The following GRID2 variants were observed in gnomAD, a reference collection of about 807,000 sequenced individuals.
The protein encoded by GRID2 is glutamate receptor ionotropic, delta-2.
GRID2 carries 33 observed loss-of-function variants against 114.8 expected under a neutral mutation model. The ratio of observed to expected loss-of-function variants is 0.29; its 90% confidence interval spans 0.22 to 0.38. GRID2 has a LOEUF of 0.38. Among genes scored for constraint, GRID2 ranks in the 10% least tolerant of loss-of-function variants. The pLI is 1.00. For synonymous variants in GRID2, 505 were observed against 449.9 expected (o/e 1.12, Z -1.55); for missense variants, 1,184 against 1,257.7 (o/e 0.94, Z 0.89).
At chr4:93,525,829 G>T (rs751065338) in intron 13 of GRID2, among the ~76,000 whole-genome samples, 32 of 152,046 alleles carry the variant, frequency 2.1e-4, no homozygotes, top group Non-Finnish European at 4.0e-4. Flanking sequence ...TTCTCCAAAG[G>T]ATTTTCCAGC....
chr4:92,504,839 T>C (rs1404920931), intron 1 of GRID2, among the ~76,000 whole-genome samples: 3 of 152,028 alleles, frequency 2.0e-5, no homozygotes, highest in African/African-American at 4.8e-5. Context: ...ACATTTCATT[T>C]TGGGATATCA....
chr4:93,135,412 A>C (rs1033600830), intron 4 of GRID2, among the ~76,000 whole-genome samples: 1 of 152,220 alleles, frequency 6.6e-6, no homozygotes, highest in Non-Finnish European at 1.5e-5. Flanking sequence ...GCCAAGATTA[A>C]GAAATGATTG....
intron 2 of GRID2, among the ~76,000 whole-genome samples, chr4:92,951,734 C>T (rs1285085067): frequency 2.0e-5 from 3 of 152,110 alleles, no homozygotes; most frequent in Non-Finnish European, 4.4e-5. Flanking sequence ...CCCAAACACC[C>T]AATTCCTCTT....
At chr4:93,267,512 C>T (rs1750986750) in intron 8 of GRID2, among the ~76,000 whole-genome samples, 2 of 152,218 alleles carry the variant, frequency 1.3e-5, no homozygotes, top group African/African-American at 4.8e-5. Context: ...CACTGTCATA[C>T]TGCCAACCTG....
At chr4:93,434,480 C>G (rs1720873520) in intron 10 of GRID2, among the ~76,000 whole-genome samples, 2 of 151,918 alleles carry the variant, frequency 1.3e-5, no homozygotes, top group Admixed American at 6.6e-5. Flanking sequence ...TAAAAAAGAC[C>G]AAAGCCAACA....
chr4:92,522,510 A>G (rs1011381390), intron 1 of GRID2, among the ~76,000 whole-genome samples: 1 of 152,012 alleles, frequency 6.6e-6, no homozygotes, highest in Non-Finnish European at 1.5e-5. Context: ...AGATGTGACT[A>G]AATTTCACAA....
intron 2 of GRID2, among the ~76,000 whole-genome samples, chr4:92,782,039 A>T (rs556416343): frequency 1.3e-5 from 2 of 152,184 alleles, no homozygotes; most frequent in East Asian, 3.9e-4. Context: ...GAGGCTTCAT[A>T]AGAGTTTTCT....
intron 1 of GRID2, among the ~76,000 whole-genome samples, chr4:92,377,941 C>T (rs925566748): frequency 3.3e-5 from 5 of 151,920 alleles, no homozygotes; most frequent in South Asian, 2.1e-4. Context: ...ATATCACTAC[C>T]CAATATTTCA....
At chr4:93,607,037 A>T (rs1236911827) in intron 13 of GRID2, among the ~76,000 whole-genome samples, 1 of 152,176 alleles carries the variant, frequency 6.6e-6, no homozygotes, top group Non-Finnish European at 1.5e-5. Flanking sequence ...AGGTATTTAC[A>T]CACATGTAAT....
chr4:92,573,554 T>G (rs1201950732), intron 1 of GRID2, among the ~76,000 whole-genome samples: 1 of 152,212 alleles, frequency 6.6e-6, no homozygotes, highest in Non-Finnish European at 1.5e-5. Context: ...TGTTTCTACC[T>G]TAATTTCATT....
intron 11 of GRID2, among the ~76,000 whole-genome samples, chr4:93,475,131 T>C (rs1399866434): frequency 6.6e-6 from 1 of 152,140 alleles, no homozygotes; most frequent in Admixed American, 6.5e-5. Context: ...TGCTCATCAA[T>C]TCAAGTCCCT....
At chr4:93,512,745 A>G (rs1729320343) in intron 12 of GRID2, among the ~76,000 whole-genome samples, 1 of 152,200 alleles carries the variant, frequency 6.6e-6, no homozygotes, top group Admixed American at 6.5e-5. Flanking sequence ...ATATATTAAG[A>G]TATTCCTCTA....
intron 8 of GRID2, among the ~76,000 whole-genome samples, chr4:93,325,175 G>A (rs1757692775): frequency 6.6e-6 from 1 of 152,116 alleles, no homozygotes; most frequent in African/African-American, 2.4e-5. Flanking sequence ...TGGGCATTGA[G>A]TGCTATAAAT....
At chr4:93,113,139 C>T (rs1247239967) in intron 4 of GRID2, among the ~76,000 whole-genome samples, 2 of 152,160 alleles carry the variant, frequency 1.3e-5, no homozygotes, top group Non-Finnish European at 2.9e-5. Flanking sequence ...TTTGAGCTAG[C>T]AGTGGATTCT....
Position 92,416,757 on chromosome 4 carries a change from G to A in GRID2, c.88+112013G>A, listed in dbSNP as rs2110314601. Among the ~76,000 whole-genome samples the A allele has an allele frequency of 2.0e-5, 3 of 152,044 alleles. No individual in the cohort carries two copies. The South Asian group carries it at 6.2e-4, about 32-fold the overall frequency. ...CTGCGTTCTCCATTCTGTTCCATTG[G>A]TCTAGGTGCCTATTTTTATACCAGT... On this transcript the variant is annotated intron_variant, in intron 1 of 15. Coordinates refer to ENST00000282020, the MANE Select transcript of GRID2 (RefSeq NM_001510.4).
At chr4:93,575,826 A>C (rs1051712074) in intron 13 of GRID2, among the ~76,000 whole-genome samples, 1 of 152,096 alleles carries the variant, frequency 6.6e-6, no homozygotes, top group Non-Finnish European at 1.5e-5. Context: ...ACAGCCTCAA[A>C]ATTTGGAGTA....
chr4:93,439,208 T>C (rs937221753), intron 10 of GRID2, among the ~76,000 whole-genome samples: 1 of 152,126 alleles, frequency 6.6e-6, no homozygotes, highest in Non-Finnish European at 1.5e-5. Flanking sequence ...AGTAATGTGA[T>C]GGCTGGGTCA....
chr4:93,045,726 C>T (rs1726071339), intron 2 of GRID2, among the ~76,000 whole-genome samples: 1 of 152,106 alleles, frequency 6.6e-6, no homozygotes, highest in Non-Finnish European at 1.5e-5. Flanking sequence ...GCGTTACAGA[C>T]CAAAATACCA....
chr4:92,662,806 G>T (rs1560518372), intron 2 of GRID2, among the ~76,000 whole-genome samples: 2 of 150,802 alleles, frequency 1.3e-5, no homozygotes, highest in African/African-American at 2.4e-5. Context: ...GAACAATATT[G>T]GAGTTTTCTG....
Sources: gnomAD v4.1 joint callset for allele counts (sites outside exome capture counted in the v4.1 genomes callset) on GRCh38, gnomAD v4.1.1 for gene constraint, MANE v1.5 for transcripts, NCBI Gene and HGNC (gene_info 2026-07-23, HGNC 2026-07-21) for gene names.